ANKH: variants seen among roughly 807,000 people sequenced by gnomAD.
ANKH encodes the protein ANKH inorganic pyrophosphate transport regulator, also known as mineralization regulator ANKH.
In ANKH, 15 loss-of-function variants were observed where a neutral mutation model predicts 49.0. That is an observed-to-expected ratio of 0.31 (90% CI 0.20 to 0.47). The LOEUF (loss-of-function observed/expected upper bound fraction) is 0.47, where lower values mean the gene tolerates loss of function less well. Ranked by LOEUF, ANKH falls within the 20% of genes least tolerant of loss-of-function variation. The pLI is 1.00. For synonymous variants in ANKH, 273 were observed against 260.0 expected (o/e 1.05, Z -0.48); for missense variants, 429 against 652.0 (o/e 0.66, Z 3.72).
Position 14,863,209 on chromosome 5 carries a change from T to C in ANKH, c.96+8143A>G, listed in dbSNP as rs150089879. Reference sequence around the variant, plus strand: ...TATTAAAATGATAAAAGCAGGCACATAGCCTATAAAAAAATTTTTTTTAAA... The same window carrying C: ...TATTAAAATGATAAAAGCAGGCACACAGCCTATAAAAAAATTTTTTTTAAA... On this transcript the variant is annotated intron_variant, in intron 1 of 11. Transcript: ENST00000284268. Among the ~76,000 whole-genome samples, 593 of 152,190 alleles carry C rather than the reference T, an allele frequency of 3.9e-3. 3 individuals are homozygous for C. The highest frequency in any genetic ancestry group is 0.012 in the African/African-American group (518 of 41,534).
At chr5:14,796,673 G>A (rs868430359) in intron 1 of ANKH, among the ~76,000 whole-genome samples, 2 of 152,208 alleles carry the variant, frequency 1.3e-5, no homozygotes, top group African/African-American at 2.4e-5. Context: ...CGAGATTTTC[G>A]AGTAGGAATC....
At chr5:14,843,363 A>G (rs1741866433) in intron 1 of ANKH, among the ~76,000 whole-genome samples, 1 of 151,460 alleles carries the variant, frequency 6.6e-6, no homozygotes, top group African/African-American at 2.4e-5. Context: ...TTTAGTAGAG[A>G]TGGCACTTCG....
intron 1 of ANKH, among the ~76,000 whole-genome samples, chr5:14,843,190 T>C (rs1321650904): frequency 7.3e-5 from 11 of 151,444 alleles, no homozygotes; most frequent in Admixed American, 7.2e-4. Flanking sequence ...TTTTTTTTTT[T>C]TTTTGAGAAG....
intron 7 of ANKH, among the ~76,000 whole-genome samples, chr5:14,743,208 G>T (rs1346488008): frequency 6.6e-6 from 1 of 152,204 alleles, no homozygotes; most frequent in Non-Finnish European, 1.5e-5. Flanking sequence ...AGTCCCAGTG[G>T]TTGGAGACCT....
chr5:14,718,834 C>CG lies in ANKH; in HGVS notation c.1012-2000_1012-1999insC, dbSNP rs1340240430. Among the ~76,000 whole-genome samples, 40 of 144,258 alleles carry CG rather than the reference C, an allele frequency of 2.8e-4. 2 individuals are homozygous for CG. Among genetic ancestry groups the CG allele is most frequent in the Non-Finnish European group, 3.0e-4 (20 of 65,654 alleles). 94.6% of individuals were successfully genotyped at this position (144,258 alleles called of 152,430 possible). ...AACTCCATCCTCCCAACACCACCCC[C>CG]CCCCCAAAAAAAAAAGACATAGAAA... On this transcript the variant is annotated intron_variant, in intron 8 of 11. Transcript: ENST00000284268.
intron 8 of ANKH, among the ~76,000 whole-genome samples, chr5:14,721,176 T>A (rs886204536): frequency 6.6e-6 from 1 of 152,242 alleles, no homozygotes; most frequent in African/African-American, 2.4e-5. Context: ...TAAGGTTTGA[T>A]GGATTTCCAG....
In ANKH at chr5:14,715,678, A is replaced by G. The variant is rs181310338; in HGVS notation, c.1141+1028T>C. ...TTACTTATACAAAAAGAATGTAGCT[A>G]TGCAAGCAGTTAGCACATCCATATG... On this transcript the variant is annotated intron_variant, in intron 9 of 11. Transcript: ENST00000284268. Among the ~76,000 whole-genome samples, 343 of 152,348 alleles carry G rather than the reference A, an allele frequency of 2.3e-3. 3 individuals carry two copies. The highest frequency in any genetic ancestry group is 8.0e-3 in the African/African-American group (333 of 41,556).
At position 14,705,426 on chromosome 5, in the gene ANKH, G is replaced by C. The variant is rs987227757; in HGVS notation, c.*5771C>G. 6 of 152,202 alleles carry C rather than the reference G, an allele frequency of 3.9e-5. No individual in the cohort carries two copies. Among genetic ancestry groups the C allele is most frequent in the Non-Finnish European group, 7.3e-5 (5 of 68,050 alleles). 9.4% of individuals were successfully genotyped at this position (152,202 alleles called of 1,614,324 possible). The stretch of plus-strand genomic sequence containing the variant: ...AATGTTAGATCAGGAAGGGGCCTTA[G>C]CAATAATGGCTCAAGCCTCCCATTG... On this transcript the variant is annotated 3_prime_UTR_variant, in exon 12 of 12. Transcript: ENST00000284268.
Position 14,712,871 on chromosome 5 carries a change from C to G in ANKH, c.1365+3G>C, listed in dbSNP as rs775412526. The G allele has an allele frequency of 6.2e-7, 1 of 1,605,784 alleles. No homozygotes were observed. Among genetic ancestry groups the G allele is most frequent in the South Asian group, 1.1e-5 (1 of 89,222 alleles). On this transcript the variant is annotated splice_donor_region_variant and intron_variant, in intron 11 of 11. Coordinates refer to ENST00000284268, the MANE Select transcript of ANKH (RefSeq NM_054027.6). ...GAGGAGGCTCCCGGCGCGGCTGTCT[C>G]ACCTGCTTCCGGTAGACATAGCACG... is the stretch of plus-strand genomic sequence containing the variant.
chr5:14,717,271 C>T (rs1163977991), intron 8 of ANKH, among the ~76,000 whole-genome samples: 1 of 152,162 alleles, frequency 6.6e-6, no homozygotes, highest in African/African-American at 2.4e-5. Context: ...CAGAACCACG[C>T]AGAATCAGCA....
chr5:14,847,005 C>CA (rs386403087), intron 1 of ANKH, among the ~76,000 whole-genome samples: 1,517 of 110,312 alleles, frequency 0.014, 38 homozygotes, highest in African/African-American at 0.042. Context: ...AAGACTGCCT[C>CA]AAAAAAAAAA....
intron 1 of ANKH, among the ~76,000 whole-genome samples, chr5:14,811,749 T>C (rs1375845314): frequency 6.6e-6 from 1 of 152,234 alleles, no homozygotes; most frequent in Non-Finnish European, 1.5e-5. Context: ...AAGTTTCTGT[T>C]TTCTACTAAA....
Position 14,713,537 on chromosome 5 carries a change from A to G in ANKH, c.1265+7T>C. ...GACCCACAGCCCCAAACTCCCTGACAACATACCCCAGGTAGGGTAGGACCA... is the reference window on the plus strand; with the variant it reads ...GACCCACAGCCCCAAACTCCCTGACGACATACCCCAGGTAGGGTAGGACCA... On this transcript the variant is annotated splice_region_variant and intron_variant, in intron 10 of 11. Coordinates refer to ENST00000284268, the MANE Select transcript of ANKH (RefSeq NM_054027.6). This position sits in a 1 kb window ranked among gnomAD's most constrained non-coding sequence, Gnocchi z 4.4. 1.2e-6 allele frequency: 2 copies of G among 1,614,066 alleles called. No homozygotes were observed. Among genetic ancestry groups the G allele is most frequent in the South Asian group, 1.1e-5 (1 of 91,052 alleles).
intron 1 of ANKH, among the ~76,000 whole-genome samples, chr5:14,850,173 A>G (rs1742084977): frequency 6.6e-6 from 1 of 152,192 alleles, no homozygotes; most frequent in Non-Finnish European, 1.5e-5. Flanking sequence ...AGCCAAGGCT[A>G]ACCCTGCCCC....
intron 1 of ANKH, among the ~76,000 whole-genome samples, chr5:14,830,081 A>G (rs759522739): frequency 6.6e-6 from 1 of 152,234 alleles, no homozygotes; most frequent in Non-Finnish European, 1.5e-5. Context: ...TTTACCTTGG[A>G]AAGCACCTCA....
intron 1 of ANKH, among the ~76,000 whole-genome samples, chr5:14,803,982 G>A (rs1297328472): frequency 2.6e-5 from 4 of 151,754 alleles, no homozygotes; most frequent in African/African-American, 4.8e-5. Flanking sequence ...TGCAACCTCC[G>A]CCTCCTGGGT....
chr5:14,822,508 G>A (rs141126684), intron 1 of ANKH, among the ~76,000 whole-genome samples: 5 of 152,124 alleles, frequency 3.3e-5, no homozygotes, highest in East Asian at 1.9e-4. Flanking sequence ...ACCCTACATC[G>A]GGCCCATCTG....
intron 1 of ANKH, among the ~76,000 whole-genome samples, chr5:14,790,258 A>C (rs539635298): frequency 6.6e-6 from 1 of 152,356 alleles, no homozygotes; most frequent in African/African-American, 2.4e-5. Context: ...AACACGACAT[A>C]AACTACTATA....
At chr5:14,799,128 C>T (rs529832131) in intron 1 of ANKH, among the ~76,000 whole-genome samples, 355 of 152,342 alleles carry the variant, frequency 2.3e-3, no homozygotes, top group African/African-American at 8.1e-3. Context: ...GAAGATCAAA[C>T]CACCCACAAC....
Sources: allele counts gnomAD v4.1 joint callset (sites outside exome capture counted in the v4.1 genomes callset), GRCh38; gene constraint gnomAD v4.1.1; non-coding constraint Gnocchi (gnomAD v3.1); transcripts MANE v1.5; gene names NCBI Gene and HGNC (gene_info 2026-07-23, HGNC 2026-07-21).